The following CDH13 variants were observed in gnomAD, a reference collection of about 807,000 sequenced individuals.
CDH13 encodes the protein cadherin-13.
A neutral mutation model predicts 63.8 loss-of-function variants in CDH13; 24 were observed. The observed-to-expected ratio is 0.38, with a 90% CI of 0.27 to 0.53. The LOEUF (loss-of-function observed/expected upper bound fraction) is 0.53. Ranked by LOEUF, CDH13 falls within the 20% of genes least tolerant of loss-of-function variation. CDH13 has a pLI of 0.85. For synonymous variants in CDH13, 503 were observed against 355.3 expected (o/e 1.42, Z -4.67); for missense variants, 1,049 against 903.1 (o/e 1.16, Z -2.07).
At chr16:82,974,413 C>A (rs553366401) in intron 2 of CDH13, among the ~76,000 whole-genome samples, 9 of 152,276 alleles carry the variant, frequency 5.9e-5, no homozygotes, top group East Asian at 1.9e-4. Flanking sequence ...ATACCCTTTA[C>A]GATTCACATG....
At chr16:83,017,878 A>G (rs1241686062) in intron 2 of CDH13, among the ~76,000 whole-genome samples, 1 of 152,244 alleles carries the variant, frequency 6.6e-6, no homozygotes, top group Non-Finnish European at 1.5e-5. Flanking sequence ...CAGCTGGGTC[A>G]TAAACCAAAG....
intron 4 of CDH13, among the ~76,000 whole-genome samples, chr16:83,153,407 A>G (rs2037074159): frequency 6.6e-6 from 1 of 152,168 alleles, no homozygotes; most frequent in Non-Finnish European, 1.5e-5. Context: ...GAGGGTCAGT[A>G]TCTTACAGCC....
At position 83,274,105 on chromosome 16, in the gene CDH13, G is replaced by C. The variant is rs139972090; in HGVS notation, c.636+56608G>C. ...TCTTACACCCTCTCGCCTTCCCCCA[G>C]GCCAGGCCGTCTCCTCCATCCCAAC... On this transcript the variant is annotated intron_variant, in intron 5 of 13. Transcript: ENST00000567109. Among the ~76,000 whole-genome samples the C allele has an allele frequency of 6.6e-5, 10 of 152,262 alleles. No individual in the cohort carries two copies. In the East Asian group the frequency reaches 1.7e-3, roughly 26 times the overall value.
chr16:82,946,233 G>C (rs1242392482), intron 2 of CDH13, among the ~76,000 whole-genome samples: 3 of 151,870 alleles, frequency 2.0e-5, no homozygotes, highest in Non-Finnish European at 4.4e-5. Context: ...GAGGGAGGGA[G>C]GGAGGAAGAG....
intron 6 of CDH13, among the ~76,000 whole-genome samples, chr16:83,396,996 G>A (rs1249669482): frequency 6.6e-6 from 1 of 152,184 alleles, no homozygotes; most frequent in Non-Finnish European, 1.5e-5. Flanking sequence ...TAGTGGTGGT[G>A]CAGAATTGGG....
intron 6 of CDH13, among the ~76,000 whole-genome samples, chr16:83,396,972 G>A (rs1056750145): frequency 1.3e-5 from 2 of 152,140 alleles, no homozygotes; most frequent in Non-Finnish European, 2.9e-5. Flanking sequence ...ACTTGCCCAT[G>A]GTTACACAGC....
At position 83,650,227 on chromosome 16, in the gene CDH13, A is replaced by T. The variant is rs530993144; in HGVS notation, c.1102-20563A>T. Among the ~76,000 whole-genome samples, 64 of 152,240 alleles carry T rather than the reference A, an allele frequency of 4.2e-4. 1 individual carries two copies. In the East Asian group the frequency reaches 8.7e-3, roughly 21 times the overall value. ...GGAAGTACAGAAAGCAGGAAAAAAAATACCTTTCTTCTTTTATAAAAGGGA... is the reference window on the plus strand; with the variant it reads ...GGAAGTACAGAAAGCAGGAAAAAAATTACCTTTCTTCTTTTATAAAAGGGA... On this transcript the variant is annotated intron_variant, in intron 8 of 13. Coordinates refer to ENST00000567109, the MANE Select transcript of CDH13 (RefSeq NM_001257.5).
At chr16:82,681,087 A>T (rs1264871666) in intron 1 of CDH13, among the ~76,000 whole-genome samples, 2 of 152,240 alleles carry the variant, frequency 1.3e-5, no homozygotes, top group African/African-American at 4.8e-5. Flanking sequence ...GCCCAGCACT[A>T]TCAGCAATCT....
intron 10 of CDH13, among the ~76,000 whole-genome samples, chr16:83,686,974 C>T (rs1307454307): frequency 6.6e-6 from 1 of 152,134 alleles, no homozygotes; most frequent in Non-Finnish European, 1.5e-5. Context: ...CTTCGGGAGG[C>T]CAAGGTGGGC....
intron 3 of CDH13, among the ~76,000 whole-genome samples, chr16:83,037,763 G>C (rs979441634): frequency 1.3e-5 from 2 of 152,262 alleles, no homozygotes; most frequent in East Asian, 1.9e-4. Context: ...ACATGAGTGG[G>C]TTCAAATTTC....
At chr16:83,599,819 A>G (rs1254882213) in intron 7 of CDH13, among the ~76,000 whole-genome samples, 1 of 152,194 alleles carries the variant, frequency 6.6e-6, no homozygotes, top group Non-Finnish European at 1.5e-5. Flanking sequence ...AAAAATAAGT[A>G]ACAATGTTTT....
chr16:83,769,143 T>A (rs773009925), intron 11 of CDH13, among the ~76,000 whole-genome samples: 6 of 152,190 alleles, frequency 3.9e-5, no homozygotes, highest in Middle Eastern at 3.4e-3. Context: ...CAGGGTGAAG[T>A]CATAGGAAGG....
intron 13 of CDH13, among the ~76,000 whole-genome samples, chr16:83,786,436 C>T (rs692600): frequency 6.6e-6 from 1 of 151,876 alleles, no homozygotes. Context: ...ACGACTTGAG[C>T]TTGAGGAATA....
intron 4 of CDH13, among the ~76,000 whole-genome samples, chr16:83,141,874 C>G (rs181878042): frequency 6.6e-6 from 1 of 152,124 alleles, no homozygotes; most frequent in African/African-American, 2.4e-5. Flanking sequence ...GCATAGTATT[C>G]CATGTGCATA....
chr16:83,503,117 G>C lies in CDH13; in HGVS notation c.960+16462G>C, dbSNP rs187390807. Among the ~76,000 whole-genome samples, 9 of 152,334 alleles carry C rather than the reference G, an allele frequency of 5.9e-5. No homozygotes were observed. The East Asian group carries it at 1.7e-3, about 29-fold the overall frequency. On this transcript the variant is annotated intron_variant, in intron 7 of 13. Coordinates refer to ENST00000567109, the MANE Select transcript of CDH13 (RefSeq NM_001257.5). ...CCTTGTAGGTGCTCAATACACATTG[G>C]TAAGAATGTTCACATCATCAGGTAA...
intron 6 of CDH13, among the ~76,000 whole-genome samples, chr16:83,454,262 T>A (rs536160477): frequency 6.6e-6 from 1 of 152,328 alleles, no homozygotes; most frequent in Admixed American, 6.5e-5. Flanking sequence ...GGGCATAGCT[T>A]GTGGGTGTCT....
chr16:82,676,274 G>A (rs1206173556), intron 1 of CDH13, among the ~76,000 whole-genome samples: 2 of 152,006 alleles, frequency 1.3e-5, no homozygotes, highest in Non-Finnish European at 2.9e-5. Flanking sequence ...TGGATTCCAC[G>A]TTTTCCAATT....
At chr16:83,011,653 C>T (rs550564093) in intron 2 of CDH13, among the ~76,000 whole-genome samples, 6 of 152,276 alleles carry the variant, frequency 3.9e-5, no homozygotes, top group African/African-American at 9.6e-5. Flanking sequence ...ACTGAGGGTT[C>T]GGGGACCAGG....
chr16:82,668,677 T>A (rs772142834), intron 1 of CDH13, among the ~76,000 whole-genome samples: 6 of 152,030 alleles, frequency 3.9e-5, no homozygotes, highest in Non-Finnish European at 7.4e-5. Context: ...TTGGCAAGAG[T>A]TCTGAGTGAT....
Sources: gnomAD v4.1 joint callset for allele counts (sites outside exome capture counted in the v4.1 genomes callset) on GRCh38, gnomAD v4.1.1 for gene constraint, MANE v1.5 for transcripts, NCBI Gene and HGNC (gene_info 2026-07-23, HGNC 2026-07-21) for gene names.